The following PGM5 variants were observed in gnomAD, a reference collection of about 807,000 sequenced individuals.
The protein encoded by PGM5 is phosphoglucomutase-like protein 5.
A neutral mutation model predicts 59.2 loss-of-function variants in PGM5; 23 were observed. The observed-to-expected ratio is 0.39, with a 90% CI of 0.28 to 0.55. The LOEUF (loss-of-function observed/expected upper bound fraction) is 0.55. PGM5 is among the 20% of genes least tolerant of loss of function. The probability of loss-of-function intolerance (pLI) is 0.66; values close to 1 mark genes in which losing one functional copy is unlikely to be tolerated. For synonymous variants in PGM5, 214 were observed against 286.0 expected (o/e 0.75, Z 2.54); for missense variants, 574 against 748.3 (o/e 0.77, Z 2.72).
intron 10 of PGM5, among the ~76,000 whole-genome samples, chr9:68,528,982 GCAT>G (rs879698784): frequency 6.6e-6 from 1 of 152,078 alleles, no homozygotes; most frequent in Non-Finnish European, 1.5e-5. Context: ...GGCTTCTAAA[GCAT>G]GCCCACCTCC....
At chr9:68,453,838 C>A (rs1310960079) in intron 6 of PGM5, among the ~76,000 whole-genome samples, 1 of 152,186 alleles carries the variant, frequency 6.6e-6, no homozygotes, top group Non-Finnish European at 1.5e-5. Context: ...GGTGTCCCAG[C>A]ATCTAAGGCA....
At chr9:68,478,060 C>T (rs115784489) in intron 7 of PGM5, among the ~76,000 whole-genome samples, 5,143 of 152,258 alleles carry the variant, frequency 0.034, 300 homozygotes, top group African/African-American at 0.12. Context: ...TGGCTTAAGC[C>T]CTAATTCTAA....
intron 6 of PGM5, among the ~76,000 whole-genome samples, chr9:68,453,316 C>T (rs1823725927): frequency 1.3e-5 from 2 of 152,126 alleles, no homozygotes; most frequent in South Asian, 4.1e-4. Flanking sequence ...CATCCACCAT[C>T]GCTTAATTTT....
At chr9:68,461,003 A>G (rs1227791783) in intron 6 of PGM5, among the ~76,000 whole-genome samples, 1 of 152,224 alleles carries the variant, frequency 6.6e-6, no homozygotes, top group Non-Finnish European at 1.5e-5. Context: ...TGATGAGGAA[A>G]GGACTATACT....
chr9:68,499,161 G>T, intron 9 of PGM5, 66 bp from the exon 10 acceptor site: 2 of 1,540,932 alleles, frequency 1.3e-6, no homozygotes, highest in Non-Finnish European at 1.8e-6. Context: ...TCTGTGGCAG[G>T]TATTAATGAT....
intron 10 of PGM5, among the ~76,000 whole-genome samples, chr9:68,519,601 T>C (rs866378872): frequency 4.0e-5 from 6 of 151,260 alleles, no homozygotes; most frequent in African/African-American, 4.9e-5. Flanking sequence ...TGTATACATA[T>C]GTAACTAACC....
chr9:68,434,952 C>T (rs1296298171), intron 6 of PGM5, among the ~76,000 whole-genome samples: 2 of 152,180 alleles, frequency 1.3e-5, no homozygotes, highest in Non-Finnish European at 2.9e-5. Context: ...TAAAGTCACT[C>T]GGAAACACTT....
chr9:68,528,245 A>C (rs2132123462), intron 10 of PGM5, among the ~76,000 whole-genome samples: 1 of 151,614 alleles, frequency 6.6e-6, no homozygotes, highest in East Asian at 1.9e-4. Context: ...TTTTATTTTT[A>C]TTTTTTCTTT....
At chr9:68,392,878 G>A (rs1362847169) in intron 6 of PGM5, among the ~76,000 whole-genome samples, 1 of 152,106 alleles carries the variant, frequency 6.6e-6, no homozygotes, top group Non-Finnish European at 1.5e-5. Flanking sequence ...GTATGTATAA[G>A]TGAGGGAAAA....
At chr9:68,487,744 C>T (rs908271112) in intron 9 of PGM5, among the ~76,000 whole-genome samples, 4 of 152,086 alleles carry the variant, frequency 2.6e-5, no homozygotes, top group East Asian at 3.9e-4. Flanking sequence ...GTGCTGTTCC[C>T]GTTTTATACA....
In PGM5 at chr9:68,390,265, T is replaced by C. The variant is rs1299322111; in HGVS notation, c.698-1269T>C. On this transcript the variant is annotated intron_variant, in intron 4 of 10. Transcript: ENST00000396396. ...CTTTCAGGTTCTTGCCTTAGCATTA[T>C]CTGGCCTACAGGGAAGACAGCTTTG... Among the ~76,000 whole-genome samples, 10 of 152,306 alleles carry C rather than the reference T, an allele frequency of 6.6e-5. No homozygotes were observed. In the South Asian group the frequency reaches 1.7e-3, roughly 25 times the overall value.
At chr9:68,377,512 T>C (rs1404620208) in intron 1 of PGM5, among the ~76,000 whole-genome samples, 1 of 152,200 alleles carries the variant, frequency 6.6e-6, no homozygotes, top group Non-Finnish European at 1.5e-5. Context: ...GGTGTAGCAA[T>C]AAATGTTCTT....
chr9:68,467,951 T>C (rs575563626), intron 7 of PGM5, among the ~76,000 whole-genome samples: 1 of 152,188 alleles, frequency 6.6e-6, no homozygotes, highest in African/African-American at 2.4e-5. Flanking sequence ...GATTTTAAAA[T>C]ATATAATCAC....
chr9:68,482,247 C>T (rs1554687173), intron 8 of PGM5, among the ~76,000 whole-genome samples: 1 of 152,150 alleles, frequency 6.6e-6, no homozygotes, highest in Non-Finnish European at 1.5e-5. Flanking sequence ...TTCAATGCCT[C>T]TCTGTCTCCT....
chr9:68,405,530 C>T (rs1422641721), intron 6 of PGM5: 1 of 152,764 alleles, frequency 6.5e-6, no homozygotes. Flanking sequence ...GTGGTTCTTG[C>T]CTCTGACCTT....
At chr9:68,429,318 C>A (rs1364040955) in intron 6 of PGM5, 7 of 152,102 alleles carry the variant, frequency 4.6e-5, no homozygotes, top group Non-Finnish European at 2.9e-5. Context: ...GTGGGAAGCT[C>A]ACTTTTTTTC....
intron 1 of PGM5, among the ~76,000 whole-genome samples, chr9:68,377,414 G>A (rs188753917): frequency 6.8e-4 from 104 of 152,174 alleles, no homozygotes; most frequent in African/African-American, 2.4e-3. Context: ...TGAGTACTAG[G>A]GTTTTAAAAA....
At chr9:68,461,784 A>G (rs147768396) in intron 6 of PGM5, among the ~76,000 whole-genome samples, 6 of 151,918 alleles carry the variant, frequency 3.9e-5, no homozygotes, top group Non-Finnish European at 8.8e-5. Flanking sequence ...CTATCCCATT[A>G]TAAGAGCACA....
rs1285803470 is a variant in PGM5 at position 68,442,528 on chromosome 9, G to A, written c.1044-22565G>A. Reference sequence around the variant, plus strand: ...TCTGTCCACCCTGGCCTCCCAAAGTGCTGGGAGTAATCACACTTTCTAATT... The same window carrying A: ...TCTGTCCACCCTGGCCTCCCAAAGTACTGGGAGTAATCACACTTTCTAATT... On this transcript the variant is annotated intron_variant, in intron 6 of 10. Coordinates refer to ENST00000396396, the MANE Select transcript of PGM5 (RefSeq NM_021965.4). Among the ~76,000 whole-genome samples, 2 of 152,216 alleles carry A rather than the reference G, an allele frequency of 1.3e-5. 1 individual carries two copies. Among genetic ancestry groups the A allele is most frequent in the South Asian group, 4.1e-4 (2 of 4,830 alleles).
Sources: allele counts gnomAD v4.1 joint callset (sites outside exome capture counted in the v4.1 genomes callset), GRCh38; gene constraint gnomAD v4.1.1; transcripts MANE v1.5; gene names NCBI Gene and HGNC (gene_info 2026-07-23, HGNC 2026-07-21).